GYS2: variants seen among roughly 807,000 people sequenced by gnomAD.
GYS2 encodes glycogen synthase 2.
A neutral mutation model predicts 85.6 loss-of-function variants in GYS2; 80 were observed. That is an observed-to-expected ratio of 0.93 (90% confidence interval 0.78 to 1.13). GYS2 has a LOEUF of 1.13. Ranked by LOEUF, GYS2 falls within the 50% of genes most tolerant of loss-of-function variation. GYS2 has a pLI of 0.00. For synonymous variants in GYS2, 328 were observed against 300.7 expected (o/e 1.09, Z -0.94); for missense variants, 881 against 854.9 (o/e 1.03, Z -0.38).
At chr12:21,561,142 G>A (rs1235863820) in intron 7 of GYS2, among the ~76,000 whole-genome samples, 1 of 152,136 alleles carries the variant, frequency 6.6e-6, no homozygotes, top group East Asian at 1.9e-4. Context: ...TAATAATCAT[G>A]TACAATAGGC....
intron 4 of GYS2, among the ~76,000 whole-genome samples, chr12:21,571,959 T>TCAAAAA (rs1343532014): frequency 2.2e-4 from 9 of 40,736 alleles, no homozygotes; most frequent in Non-Finnish European, 2.5e-4. Context: ...AGACTCCGCG[T>TCAAAAA]CAAAAACAAA....
Position 21,580,438 on chromosome 12 carries a change from A to G in GYS2, c.207T>C (p.Tyr69=), listed in dbSNP as rs774656122. ...WGENYFLIGP[Y]FEHNMKTQVE... ...CCTGAGTCTTCATATTATGCTCAAA[A>G]TATGGACCTATCAGAAAATAGTTCT... The change falls in exon 2 of 16, where the codon TAT becomes TAC. Residue 69 remains tyrosine (Y), a synonymous_variant. Transcript: ENST00000261195. The G allele has an allele frequency of 3.1e-6, 5 of 1,613,508 alleles. No individual in the cohort carries two copies. Among genetic ancestry groups the G allele is most frequent in the African/African-American group, 2.7e-5 (2 of 74,898 alleles).
chr12:21,589,613 C>A (rs1287632402), intron 1 of GYS2, among the ~76,000 whole-genome samples: 1 of 152,250 alleles, frequency 6.6e-6, no homozygotes, highest in African/African-American at 2.4e-5. Context: ...GAAGCCTACC[C>A]AGTAGGGATC....
At chr12:21,537,633 AG>A (rs1200518368) in intron 15 of GYS2, among the ~76,000 whole-genome samples, 2 of 152,160 alleles carry the variant, frequency 1.3e-5, no homozygotes, top group African/African-American at 4.8e-5. Flanking sequence ...TGTTCAGCAA[AG>A]CTTTTGGATG....
intron 1 of GYS2, among the ~76,000 whole-genome samples, chr12:21,602,281 T>C (rs912307568): frequency 3.5e-4 from 53 of 152,068 alleles, no homozygotes; most frequent in Non-Finnish European, 3.7e-4. Flanking sequence ...AAAAAGTGAA[T>C]TGGCCTTGGA....
intron 1 of GYS2, among the ~76,000 whole-genome samples, chr12:21,582,076 G>GA (rs35630202): frequency 0.19 from 28,511 of 151,390 alleles, 2,782 homozygotes; most frequent in Middle Eastern, 0.34. Context: ...TACAGAATGA[G>GA]AAAAAAAAAT....
chr12:21,570,965 T>C (rs1022721472), intron 4 of GYS2, among the ~76,000 whole-genome samples: 1 of 152,248 alleles, frequency 6.6e-6, no homozygotes, highest in Admixed American at 6.5e-5. Context: ...GAAAAGTGCC[T>C]GGTATATGGA....
chr12:21,581,807 A>T (rs550531226), intron 1 of GYS2, among the ~76,000 whole-genome samples: 156 of 152,342 alleles, frequency 1.0e-3, no homozygotes, highest in Non-Finnish European at 1.8e-3. Flanking sequence ...GAAACAACTT[A>T]CACTGAACTA....
rs769232093 is a variant in GYS2, at chr12:21,558,298, G to A, written c.1324C>T (p.Pro442Ser). 8.7e-6 allele frequency: 14 copies of A among 1,610,292 alleles called. No individual in the cohort carries two copies. The South Asian group carries it at 1.5e-4, about 18-fold the overall frequency. Residue 442 changes from proline to serine, a missense_variant, in exon 11 of 16, where the codon CCA becomes TCA. Physicochemically the swap from Pro to Ser is moderately conservative, Grantham distance 74. Coordinates refer to ENST00000261195, the MANE Select transcript of GYS2 (RefSeq NM_021957.4). Reference sequence around the variant, plus strand: ...TCAATCATGTTGTGCGTGGTCACTGGGGGCAATGACTGTCGCTGAAGTATG... The same window carrying A: ...TCAATCATGTTGTGCGTGGTCACTGAGGGCAATGACTGTCGCTGAAGTATG... ...IFSTQRQSLP[P>S]VTTHNMIDDS...
At chr12:21,559,615 T>C in intron 9 of GYS2, 36 bp downstream of exon 9, 1 of 1,106,518 alleles carries the variant, frequency 9.0e-7, no homozygotes, top group Non-Finnish European at 1.4e-6. Context: ...AGTGAAACCT[T>C]AAGTGATTGA....
intron 7 of GYS2, among the ~76,000 whole-genome samples, chr12:21,560,791 A>T (rs1283393050): frequency 1.3e-5 from 2 of 152,214 alleles, no homozygotes; most frequent in African/African-American, 4.8e-5. Context: ...GCCTTTGACC[A>T]TCTAGAATAG....
At chr12:21,604,346 C>T in intron 1 of GYS2, 126 bp downstream of exon 1, 6 of 750,476 alleles carry the variant, frequency 8.0e-6, no homozygotes, top group South Asian at 4.2e-5. Context: ...ATATATATTC[C>T]GTTTAAATGC....
intron 3 of GYS2, among the ~76,000 whole-genome samples, 200 bp downstream of exon 3, chr12:21,575,666 A>G (rs1944436136): frequency 6.6e-6 from 1 of 152,128 alleles, no homozygotes; most frequent in East Asian, 1.9e-4. Context: ...TGAGGTAAAT[A>G]GTAATAAGTA....
At chr12:21,592,397 A>C (rs370519540) in intron 1 of GYS2, among the ~76,000 whole-genome samples, 1 of 152,234 alleles carries the variant, frequency 6.6e-6, no homozygotes, top group Non-Finnish European at 1.5e-5. Context: ...GCTGCCTATA[A>C]GAAACTTATC....
Position 21,580,511 on chromosome 12 carries a change from T to C in GYS2, c.134A>G (p.Tyr45Cys), listed in dbSNP as rs780740780. 6.2e-7 allele frequency: 1 copy of C among 1,612,736 alleles called. No homozygotes were observed. The highest frequency in any genetic ancestry group is 8.5e-7 in the Non-Finnish European group (1 of 1,179,000). ...TTTGGCCTTTGTCTGAATCACAGTATAGATGCCTCCAACTGTTAAAAGGAA... is the reference window on the plus strand; with the variant it reads ...TTTGGCCTTTGTCTGAATCACAGTACAGATGCCTCCAACTGTTAAAAGGAA... ...WEVTNKVGGI[Y>C]TVIQTKAKTT... The change falls in exon 2 of 16, where the codon TAT becomes TGT. Residue 45 changes from tyrosine (Y) to cysteine (C), a missense_variant. Tyr to Cys is a radical substitution (Grantham distance 194, BLOSUM62 -2). Coordinates refer to ENST00000261195, the MANE Select transcript of GYS2 (RefSeq NM_021957.4).
intron 11 of GYS2, among the ~76,000 whole-genome samples, chr12:21,550,340 CACACACACACA>C (rs1944092116): frequency 6.6e-6 from 1 of 151,552 alleles, no homozygotes; most frequent in Admixed American, 6.6e-5. Flanking sequence ...CACACACACA[CACACACACACA>C]CCCCTGGTTT....
At chr12:21,541,222 C>G (rs1943968936) in intron 13 of GYS2, among the ~76,000 whole-genome samples, 1 of 126,248 alleles carries the variant, frequency 7.9e-6, no homozygotes, top group South Asian at 2.6e-4. Flanking sequence ...GAGCCAGGAT[C>G]AGGCCACTGC....
intron 1 of GYS2, among the ~76,000 whole-genome samples, chr12:21,583,392 C>T (rs887762431): frequency 6.6e-6 from 1 of 152,160 alleles, no homozygotes; most frequent in Non-Finnish European, 1.5e-5. Flanking sequence ...TTGGAGGCAA[C>T]ATATTCCTGA....
chr12:21,550,068 C>T (rs1265857193), intron 11 of GYS2, among the ~76,000 whole-genome samples: 2 of 152,108 alleles, frequency 1.3e-5, no homozygotes, highest in African/African-American at 4.8e-5. Flanking sequence ...GGAGCTCCTT[C>T]AAGTTTGTTT....
Sources: gnomAD v4.1 joint callset for allele counts (sites outside exome capture counted in the v4.1 genomes callset) on GRCh38, gnomAD v4.1.1 for gene constraint, MANE v1.5 for transcripts, NCBI Gene and HGNC (gene_info 2026-07-23, HGNC 2026-07-21) for gene names.